Variants in IL23R observed in about 807,000 individuals in gnomAD.
IL23R encodes interleukin-23 receptor.
Under a neutral mutation model 56.9 loss-of-function variants are expected in IL23R, and 34 were observed. The observed-to-expected ratio is 0.60, with a 90% confidence interval of 0.45 to 0.80. IL23R has a LOEUF of 0.80. IL23R is among the 30% of genes least tolerant of loss of function. The probability of loss-of-function intolerance (pLI) is 0.00; values close to 1 mark genes in which losing one functional copy is unlikely to be tolerated. For missense variants in IL23R, 635 were observed against 730.0 expected (o/e 0.87, Z 1.50); for synonymous variants, 230 against 249.2 (o/e 0.92, Z 0.73).
chr1:67,182,730 C>G, intron 3 of IL23R, 106 bp from the exon 4 acceptor site: 2 of 1,174,966 alleles, frequency 1.7e-6, no homozygotes, highest in Non-Finnish European at 2.5e-6. Flanking sequence ...GCATCATTCA[C>G]GCTGGGAGCT....
At chr1:67,185,395 T>A (rs547403841) in intron 4 of IL23R, among the ~76,000 whole-genome samples, 3 of 152,184 alleles carry the variant, frequency 2.0e-5, no homozygotes, top group South Asian at 2.1e-4. Flanking sequence ...ACCTTCTTTT[T>A]AAAAAAAATC....
intron 6 of IL23R, chr1:67,207,697 C>T (rs1227812552): frequency 3.1e-6 from 1 of 327,690 alleles, no homozygotes; most frequent in South Asian, 2.7e-5. Context: ...CCATGTGGAA[C>T]TGTAAGTCCA....
At chr1:67,238,770 G>T (rs1651662371) in intron 8 of IL23R, among the ~76,000 whole-genome samples, 1 of 152,172 alleles carries the variant, frequency 6.6e-6, no homozygotes, top group African/African-American at 2.4e-5. Context: ...ATGCCCAAGG[G>T]TGTGTGGCAG....
At chr1:67,177,650 T>C (rs1313605980) in intron 3 of IL23R, among the ~76,000 whole-genome samples, 1 of 151,408 alleles carries the variant, frequency 6.6e-6, no homozygotes, top group African/African-American at 2.5e-5. Context: ...ATTTTGGCTT[T>C]TGTTGCCATT....
At chr1:67,243,304 C>T (rs72676096) in intron 9 of IL23R, among the ~76,000 whole-genome samples, 12,781 of 128,628 alleles carry the variant, frequency 0.099, 651 homozygotes, top group Non-Finnish European at 0.11. Flanking sequence ...ATTTAGCATG[C>T]GGATTTCTCT....
intron 7 of IL23R, among the ~76,000 whole-genome samples, chr1:67,222,500 A>G (rs1650351841): frequency 6.6e-6 from 1 of 152,212 alleles, no homozygotes; most frequent in Admixed American, 6.5e-5. Flanking sequence ...ACTGTTAACA[A>G]TTCGTGGACT....
intron 6 of IL23R, among the ~76,000 whole-genome samples, chr1:67,210,880 A>G (rs937132976): frequency 3.3e-5 from 5 of 152,146 alleles, no homozygotes; most frequent in African/African-American, 4.8e-5. Flanking sequence ...ACATAACTTA[A>G]TTTTTCTTTG....
chr1:67,144,054 T>C (rs577604713), intron 1 of IL23R, among the ~76,000 whole-genome samples: 1 of 152,258 alleles, frequency 6.6e-6, no homozygotes, highest in African/African-American at 2.4e-5. Flanking sequence ...TGACTTGAAA[T>C]GATGACAAAT....
At chr1:67,145,903 T>G (rs1646675319) in intron 1 of IL23R, among the ~76,000 whole-genome samples, 1 of 152,216 alleles carries the variant, frequency 6.6e-6, no homozygotes, top group South Asian at 2.1e-4. Context: ...AGTGATATTT[T>G]GTAGTTTCTA....
chr1:67,153,786 G>A (rs184231140), intron 1 of IL23R, among the ~76,000 whole-genome samples: 1 of 151,032 alleles, frequency 6.6e-6, no homozygotes, highest in East Asian at 1.9e-4. Flanking sequence ...TTTTTTTTGA[G>A]ATGGAGTCTC....
chr1:67,206,538 C>T (rs1276263813), intron 5 of IL23R, among the ~76,000 whole-genome samples: 1 of 152,102 alleles, frequency 6.6e-6, no homozygotes, highest in Non-Finnish European at 1.5e-5. Flanking sequence ...CATCTCTCCT[C>T]GAACAGATGG....
chr1:67,176,850 T>C (rs1647016931), intron 3 of IL23R, among the ~76,000 whole-genome samples: 1 of 152,142 alleles, frequency 6.6e-6, no homozygotes, highest in Non-Finnish European at 1.5e-5. Flanking sequence ...GTGTTCTCAT[T>C]GTTCAGTTCC....
chr1:67,191,425 T>C (rs1344475819), intron 4 of IL23R, among the ~76,000 whole-genome samples: 1 of 152,218 alleles, frequency 6.6e-6, no homozygotes, highest in African/African-American at 2.4e-5. Context: ...CTAGATCTTA[T>C]CCTGCCTGCC....
intron 3 of IL23R, among the ~76,000 whole-genome samples, chr1:67,178,134 G>GT (rs1440989882): frequency 5.3e-5 from 8 of 152,152 alleles, no homozygotes; most frequent in African/African-American, 1.7e-4. Context: ...CTTTAAACTA[G>GT]TTTTTTCCAA....
intron 5 of IL23R, among the ~76,000 whole-genome samples, chr1:67,205,030 T>G (rs982938339): frequency 6.6e-6 from 1 of 152,152 alleles, no homozygotes; most frequent in African/African-American, 2.4e-5. Context: ...TCTGCCCACC[T>G]AGGCCTCCCC....
intron 6 of IL23R, among the ~76,000 whole-genome samples, chr1:67,218,354 G>GTATATATATATA (rs776016660): frequency 1.6e-4 from 20 of 128,522 alleles, no homozygotes; most frequent in South Asian, 7.4e-4. Flanking sequence ...GTGTGTGTGT[G>GTATATATATATA]TGTGTATATA....
In IL23R at chr1:67,213,099, A is replaced by G. The variant is rs372346716; in HGVS notation, c.798+6044A>G. 1.1e-4 allele frequency among the ~76,000 whole-genome samples: 16 copies of G among 151,878 alleles called. No homozygotes were observed. The East Asian group carries it at 2.1e-3, about 20-fold the overall frequency. On this transcript the variant is annotated intron_variant, in intron 6 of 10. Coordinates refer to ENST00000347310, the MANE Select transcript of IL23R (RefSeq NM_144701.3). ...ACGTTGGCCAGGCTGATCCCAAGTGATCTGCCCATCTCGGCCTCCCAAAAT... is the reference window on the plus strand; with the variant it reads ...ACGTTGGCCAGGCTGATCCCAAGTGGTCTGCCCATCTCGGCCTCCCAAAAT...
downstream of IL23R, among the ~76,000 whole-genome samples, chr1:67,261,350 TA>T (rs1653196520): frequency 6.6e-6 from 1 of 151,314 alleles, no homozygotes; most frequent in African/African-American, 2.4e-5. Context: ...CAATCCTCTT[TA>T]TTTTACTTTT....
At chr1:67,140,011 C>G (rs894410564) in intron 1 of IL23R, among the ~76,000 whole-genome samples, 1 of 152,148 alleles carries the variant, frequency 6.6e-6, no homozygotes, top group African/African-American at 2.4e-5. Flanking sequence ...CCATGTGATG[C>G]CCTGTGCCAC....
Sources: gnomAD v4.1 joint callset for allele counts (sites outside exome capture counted in the v4.1 genomes callset) on GRCh38, gnomAD v4.1.1 for gene constraint, MANE v1.5 for transcripts, NCBI Gene and HGNC (gene_info 2026-07-23, HGNC 2026-07-21) for gene names.